Variants in ZNF469 observed in about 807,000 individuals in gnomAD.
The protein encoded by ZNF469 is zinc finger protein 469.
In ZNF469, 1 loss-of-function variant was observed where a neutral mutation model predicts 1.0. The ratio of observed to expected loss-of-function variants is 1.00; its 90% CI spans 0.35 to 4.73. The LOEUF (loss-of-function observed/expected upper bound fraction) is 4.73, where lower values mean the gene tolerates loss of function less well. Among genes scored for constraint, ZNF469 ranks in the 30% most tolerant of loss-of-function variants. The pLI, the probability that ZNF469 is intolerant of heterozygous loss-of-function variation, is 0.16. For synonymous variants in ZNF469, 2,703 were observed against 2,363.4 expected, an observed-to-expected ratio of 1.14 and a Z score of -4.17; for missense variants, 6,100 against 5,356.3, an observed-to-expected ratio of 1.14 and a Z score of -4.33.
At chr16:88,358,977 G>A in the ZNF469 span, among the ~76,000 whole-genome samples, 1 of 152,128 alleles carries the variant, frequency 6.6e-6, no homozygotes, top group Non-Finnish European at 1.5e-5. Flanking sequence ...GGGCTTCCTT[G>A]GACAGCTCTT....
At chr16:88,407,422 A>G (rs1157458604) in intron 1 of ZNF469, among the ~76,000 whole-genome samples, 1 of 152,106 alleles carries the variant, frequency 6.6e-6, no homozygotes, top group East Asian at 1.9e-4. Context: ...CATCAGCGTC[A>G]CTCTCTGTAT....
At chr16:88,143,867 A>C in the ZNF469 span, among the ~76,000 whole-genome samples, 1 of 151,962 alleles carries the variant, frequency 6.6e-6, no homozygotes, top group African/African-American at 2.4e-5. Context: ...GCTGGCGGCC[A>C]GCGGCACCAG....
the ZNF469 span, among the ~76,000 whole-genome samples, chr16:88,195,760 A>G: frequency 2.6e-5 from 4 of 152,204 alleles, no homozygotes; most frequent in Non-Finnish European, 5.9e-5. Flanking sequence ...CCAGAGCGTC[A>G]GGAAAGGTCC....
At chr16:88,243,953 A>ATATATATATATAT in the ZNF469 span, among the ~76,000 whole-genome samples, 1 of 38,860 alleles carries the variant, frequency 2.6e-5, no homozygotes, top group African/African-American at 7.6e-5. Flanking sequence ...TATATATATA[A>ATATATATATATAT]ATGTATGTGT....
At position 88,430,764 on chromosome 16, in the gene ZNF469, CGAG is replaced by C; in HGVS notation, c.3300_3302del (p.Glu1100del). ...GCGAGTACGACTTCGCCTCGGAGTC[CGAG>C]GAGGACGAGCAGCCTCCGCCGCGGG... is the stretch of plus-strand genomic sequence containing the variant. On this transcript the variant is annotated inframe_deletion, in exon 3 of 3. Transcript: ENST00000565624. 6.6e-7 allele frequency: 1 copy of C among 1,517,112 alleles called. No individual in the cohort carries two copies. Among genetic ancestry groups the C allele is most frequent in the Middle Eastern group, 1.9e-4 (1 of 5,376 alleles). 94.0% of individuals were successfully genotyped at this position (1,517,112 alleles called of 1,614,324 possible). A position where few individuals can be genotyped will look rare whatever the true frequency, so the allele number is the denominator to read the frequency against.
the ZNF469 span, among the ~76,000 whole-genome samples, chr16:88,181,194 C>G: frequency 6.6e-6 from 1 of 152,138 alleles, no homozygotes; most frequent in Non-Finnish European, 1.5e-5. Flanking sequence ...CCTCAGCCTC[C>G]CGAATAGCTG....
chr16:88,392,125 A>T lies in ZNF469; in HGVS notation c.-192+8871A>T, dbSNP rs146706035. ...AAACAGATGAAGTTAATTGTATTGTATCTGCAAAGTATTCTCATTCCACCA... is the reference window on the plus strand; with the variant it reads ...AAACAGATGAAGTTAATTGTATTGTTTCTGCAAAGTATTCTCATTCCACCA... On this transcript the variant is annotated intron_variant, in intron 1 of 2. Coordinates refer to ENST00000565624, the MANE Select transcript of ZNF469 (RefSeq NM_001367624.2). Among the ~76,000 whole-genome samples, 287 of 152,388 alleles carry T rather than the reference A, an allele frequency of 1.9e-3. 2 individuals carry two copies. The highest frequency in any genetic ancestry group is 6.5e-3 in the African/African-American group (269 of 41,598).
At chr16:88,246,567 A>T in the ZNF469 span, among the ~76,000 whole-genome samples, 1 of 152,256 alleles carries the variant, frequency 6.6e-6, no homozygotes, top group Non-Finnish European at 1.5e-5. Flanking sequence ...CGCTTGCTAA[A>T]ACACAGATCA....
the ZNF469 span, among the ~76,000 whole-genome samples, chr16:88,106,737 G>A: frequency 7.9e-5 from 12 of 152,370 alleles, no homozygotes; most frequent in South Asian, 1.0e-3. Flanking sequence ...TGGGGTGGGC[G>A]TGGATGCCTG....
chr16:88,122,377 C>T, the ZNF469 span, among the ~76,000 whole-genome samples: 1 of 151,078 alleles, frequency 6.6e-6, no homozygotes, highest in African/African-American at 2.4e-5. Context: ...ATGGCCACAG[C>T]AGTCACTCAG....
At chr16:88,137,146 A>T in the ZNF469 span, among the ~76,000 whole-genome samples, 15 of 152,184 alleles carry the variant, frequency 9.9e-5, no homozygotes, top group Non-Finnish European at 7.4e-5. Flanking sequence ...CCGTGCATGC[A>T]ATAACCACGT....
chr16:88,143,493 C>T, the ZNF469 span, among the ~76,000 whole-genome samples: 1 of 152,064 alleles, frequency 6.6e-6, no homozygotes, highest in Non-Finnish European at 1.5e-5. Context: ...AACCACCAGC[C>T]TGGAACTGGA....
the ZNF469 span, among the ~76,000 whole-genome samples, chr16:88,352,142 C>A: frequency 3.9e-5 from 6 of 152,088 alleles, no homozygotes; most frequent in African/African-American, 1.4e-4. Context: ...AGAGTGACTA[C>A]CCAGAGGAAC....
At chr16:88,346,659 A>G in the ZNF469 span, among the ~76,000 whole-genome samples, 1 of 152,154 alleles carries the variant, frequency 6.6e-6, no homozygotes, top group African/African-American at 2.4e-5. Flanking sequence ...CTGGGACTAC[A>G]GGTGCGCACC....
At chr16:88,182,313 T>C in the ZNF469 span, among the ~76,000 whole-genome samples, 41 of 152,254 alleles carry the variant, frequency 2.7e-4, no homozygotes, top group African/African-American at 9.6e-4. Flanking sequence ...AACTGAGCTA[T>C]AGATCCAATG....
the ZNF469 span, among the ~76,000 whole-genome samples, chr16:88,135,595 C>T: frequency 6.6e-6 from 1 of 152,060 alleles, no homozygotes; most frequent in African/African-American, 2.4e-5. Flanking sequence ...GGAGCACCCA[C>T]AGCCAGGGGA....
At chr16:88,330,314 T>C in the ZNF469 span, among the ~76,000 whole-genome samples, 1 of 152,244 alleles carries the variant, frequency 6.6e-6, no homozygotes, top group African/African-American at 2.4e-5. Flanking sequence ...TTCTGCTGTG[T>C]GTACTGTCGG....
Position 88,430,959 on chromosome 16 carries a change from G to C in ZNF469, c.3489G>C (p.Pro1163=), listed in dbSNP as rs1210403983. The part of the protein sequence containing the change: ...ANPEEPGGSR[P]GPGRSPQARG... ...CCGAGGAGCCGGGCGGGTCTCGCCC[G>C]GGCCCCGGCAGGAGCCCTCAGGCCC... Residue 1163 remains proline (P), a synonymous_variant, in exon 3 of 3, where the codon CCG becomes CCC. Transcript: ENST00000565624. 2.0e-6 allele frequency: 3 copies of C among 1,535,526 alleles called. No homozygotes were observed. Among genetic ancestry groups the C allele is most frequent in the South Asian group, 1.2e-5 (1 of 83,756 alleles).
the ZNF469 span, among the ~76,000 whole-genome samples, chr16:88,182,349 CTTTT>C: frequency 7.3e-5 from 11 of 151,606 alleles, no homozygotes; most frequent in Non-Finnish European, 1.5e-4. Flanking sequence ...TCTCATCAGA[CTTTT>C]TTTTTCTTTT....
Sources: gnomAD v4.1 joint callset for allele counts (sites outside exome capture counted in the v4.1 genomes callset) on GRCh38, gnomAD v4.1.1 for gene constraint, MANE v1.5 for transcripts, NCBI Gene and HGNC (gene_info 2026-07-23, HGNC 2026-07-21) for gene names.